Variants in REV1 observed in about 807,000 individuals in gnomAD.
The protein encoded by REV1 is REV1 DNA directed polymerase.
REV1 carries 42 observed loss-of-function variants against 137.4 expected under a neutral mutation model. The observed-to-expected ratio is 0.31, with a 90% confidence interval of 0.24 to 0.40. The LOEUF (loss-of-function observed/expected upper bound fraction) is 0.40. Ranked by LOEUF, REV1 falls within the 10% of genes least tolerant of loss-of-function variation. The probability of loss-of-function intolerance (pLI) is 1.00; values close to 1 mark genes in which losing one functional copy is unlikely to be tolerated. For missense variants in REV1, 1,282 were observed against 1,490.1 expected (o/e 0.86, Z 2.30); for synonymous variants, 524 against 519.2 (o/e 1.01, Z -0.12).
chr2:99,442,441 T>G lies in REV1; in HGVS notation c.379A>C (p.Ile127Leu). Residue 127 changes from isoleucine to leucine, a missense_variant, in exon 5 of 23, where the codon ATT becomes CTT. Ile to Leu is a conservative substitution (Grantham distance 5). Coordinates refer to ENST00000258428, the MANE Select transcript of REV1 (RefSeq NM_016316.4). ...TGCTTGGTGTACAGCTGATATGGAA[T>G]GTAGGAGAGGAGTCGTCCAGCTTTG... ...SIKAGRLLSYIPYQLYTKQSS... is the reference protein window; with the variant it reads ...SIKAGRLLSYLPYQLYTKQSS... 5 of 1,613,884 alleles carry G rather than the reference T, an allele frequency of 3.1e-6. No homozygotes were observed. The highest frequency in any genetic ancestry group is 4.2e-6 in the Non-Finnish European group (5 of 1,179,930).
chr2:99,413,022 A>G, intron 12 of REV1, 71 bp from the exon 13 acceptor site: 1 of 1,042,314 alleles, frequency 9.6e-7, no homozygotes, highest in Non-Finnish European at 1.5e-6. Context: ...CAAAATACCC[A>G]CCATTTATGC....
upstream of REV1, chr2:99,490,108 C>T (rs1306980942): frequency 5.6e-5 from 4 of 71,744 alleles, no homozygotes; most frequent in African/African-American, 2.5e-4. Flanking sequence ...CGCTCACAGC[C>T]GCGCGGCGCA....
chr2:99,480,270 C>G (rs1466166176), intron 1 of REV1, among the ~76,000 whole-genome samples: 3 of 152,090 alleles, frequency 2.0e-5, no homozygotes, highest in Non-Finnish European at 4.4e-5. Context: ...CTGTAGTGAG[C>G]CATCATCACG....
rs532694624 is a variant in REV1 at position 99,485,770 on chromosome 2, G to A, written c.-11+4047C>T. Among the ~76,000 whole-genome samples the A allele has an allele frequency of 2.0e-4, 31 of 152,266 alleles. 1 individual carries two copies. Among genetic ancestry groups the A allele is most frequent in the East Asian group, 1.3e-3 (7 of 5,186 alleles). On this transcript the variant is annotated intron_variant, in intron 1 of 22. Transcript: ENST00000258428. ...TCCACAAAATGTATTTTTTAAAGGC[G>A]TTCCATAAATACAATTTTGGTGGCT...
chr2:99,403,612 C>T, intron 19 of REV1, 83 bp downstream of exon 19: 1 of 1,579,180 alleles, frequency 6.3e-7, no homozygotes, highest in East Asian at 2.2e-5. Context: ...AGACTTTGCC[C>T]ATTATATACT....
chr2:99,404,369 T>G, intron 18 of REV1, 75 bp downstream of exon 18: 5 of 1,195,850 alleles, frequency 4.2e-6, no homozygotes, highest in Non-Finnish European at 6.1e-6. Context: ...GAAAGGGAAG[T>G]GAGACAGGTC....
chr2:99,417,734 T>G (rs1678091872), intron 12 of REV1, among the ~76,000 whole-genome samples: 1 of 152,212 alleles, frequency 6.6e-6, no homozygotes, highest in Admixed American at 6.5e-5. Context: ...CTGTGGTACT[T>G]TGTTATGGCA....
chr2:99,445,799 G>GC (rs1682128441), intron 4 of REV1, among the ~76,000 whole-genome samples: 1 of 152,072 alleles, frequency 6.6e-6, no homozygotes, highest in African/African-American at 2.4e-5. Flanking sequence ...CAAAGTCAGG[G>GC]CCCTATAACC....
intron 4 of REV1, among the ~76,000 whole-genome samples, chr2:99,443,941 C>T (rs1320127331): frequency 6.6e-6 from 1 of 151,976 alleles, no homozygotes; most frequent in Admixed American, 6.5e-5. Flanking sequence ...GCCTCAGCTT[C>T]CCGAGTAGCT....
At chr2:99,441,386 A>AACC (rs1221289771) in intron 5 of REV1, among the ~76,000 whole-genome samples, 3 of 152,130 alleles carry the variant, frequency 2.0e-5, no homozygotes, top group Non-Finnish European at 4.4e-5. Context: ...AACCATAATG[A>AACC]ACCACCTGAT....
chr2:99,466,083 A>G (rs565603606), intron 1 of REV1, among the ~76,000 whole-genome samples: 115 of 151,962 alleles, frequency 7.6e-4, no homozygotes, highest in Non-Finnish European at 2.2e-4. Context: ...CTGGGACTAC[A>G]GGTGCCCGCC....
Position 99,403,756 on chromosome 2 carries a change from C to T in REV1, c.3105G>A (p.Ala1035=), listed in dbSNP as rs183307465. ...PAELQRELKA[A]YDQRQRQGEN... is the part of the protein sequence containing the mutation. ...CGCCCTGCCTTTGTCTTTGATCATA[C>T]GCTGCTTTCAGCTCCCTCTGAAGTT... Residue 1035 remains alanine, a synonymous_variant, in exon 19 of 23, where the codon GCG becomes GCA. Transcript: ENST00000258428. The T allele has an allele frequency of 3.1e-5, 50 of 1,614,060 alleles. No individual in the cohort carries two copies. The highest frequency in any genetic ancestry group is 6.6e-5 in the South Asian group (6 of 91,086).
At chr2:99,405,561 G>A (rs1451271131) in intron 17 of REV1, 4 of 173,962 alleles carry the variant, frequency 2.3e-5, no homozygotes, top group Admixed American at 6.2e-5. Context: ...AAAACCCTTC[G>A]ACATAAGGCC....
At chr2:99,423,483 C>G (rs1678946661) in intron 10 of REV1, among the ~76,000 whole-genome samples, 1 of 152,100 alleles carries the variant, frequency 6.6e-6, no homozygotes, top group Admixed American at 6.6e-5. Flanking sequence ...TATCTGGCTC[C>G]CTTCAGAAAA....
chr2:99,401,376 G>A (rs780443790), intron 22 of REV1, 24 bp from the exon 23 acceptor site: 6 of 1,508,938 alleles, frequency 4.0e-6, no homozygotes, highest in Non-Finnish European at 4.6e-6. Flanking sequence ...GAGAAGAAAT[G>A]TCATTAGGAA....
At chr2:99,416,102 G>C (rs1011744197) in intron 12 of REV1, among the ~76,000 whole-genome samples, 5 of 152,180 alleles carry the variant, frequency 3.3e-5, no homozygotes, top group African/African-American at 9.7e-5. Context: ...AACATTTATG[G>C]GTACAAGGGA....
chr2:99,410,440 A>T (rs1676975412), intron 14 of REV1, among the ~76,000 whole-genome samples: 1 of 152,200 alleles, frequency 6.6e-6, no homozygotes, highest in Non-Finnish European at 1.5e-5. Context: ...TAAAGTTAAC[A>T]GCCCAAAGAT....
At chr2:99,451,483 G>A (rs1193292026) in intron 3 of REV1, 3 of 1,303,868 alleles carry the variant, frequency 2.3e-6, no homozygotes, top group Non-Finnish European at 3.0e-6. Flanking sequence ...TCAGTGTGAA[G>A]TGAAGCATGA....
At chr2:99,428,941 A>G (rs1236559472) in intron 9 of REV1, among the ~76,000 whole-genome samples, 5 of 151,482 alleles carry the variant, frequency 3.3e-5, no homozygotes, top group African/African-American at 9.7e-5. Flanking sequence ...GCAGTGAGCC[A>G]AGATGGTGCC....
Sources: gnomAD v4.1 joint callset for allele counts (sites outside exome capture counted in the v4.1 genomes callset) on GRCh38, gnomAD v4.1.1 for gene constraint, MANE v1.5 for transcripts, NCBI Gene and HGNC (gene_info 2026-07-23, HGNC 2026-07-21) for gene names.